SGIP1: variants seen among roughly 807,000 people sequenced by gnomAD.
SGIP1 encodes the protein SH3GL interacting endocytic adaptor 1, also known as SH3-containing GRB2-like protein 3-interacting protein 1.
A neutral mutation model predicts 107.5 loss-of-function variants in SGIP1; 38 were observed. That is an observed-to-expected ratio of 0.35 (90% confidence interval 0.27 to 0.46). SGIP1 has a LOEUF of 0.46. Among genes scored for constraint, SGIP1 ranks in the 20% least tolerant of loss-of-function variants. The pLI, the probability that SGIP1 is intolerant of heterozygous loss-of-function variation, is 1.00. For missense variants in SGIP1, 929 were observed against 1,019.5 expected (o/e 0.91, Z 1.21); for synonymous variants, 365 against 366.1 (o/e 1.00, Z 0.03).
At chr1:66,650,181 A>G (rs1212928909) in intron 7 of SGIP1, among the ~76,000 whole-genome samples, 1 of 152,174 alleles carries the variant, frequency 6.6e-6, no homozygotes, top group Non-Finnish European at 1.5e-5. Context: ...CAAACTGGGA[A>G]AAGGTGTTTT....
At chr1:66,668,374 A>G (rs2083054555) in intron 9 of SGIP1, among the ~76,000 whole-genome samples, 1 of 152,102 alleles carries the variant, frequency 6.6e-6, no homozygotes, top group African/African-American at 2.4e-5. Flanking sequence ...TATTTTTAGT[A>G]GAGACAGGGT....
At chr1:66,689,428 T>G (rs896386693) in intron 16 of SGIP1, among the ~76,000 whole-genome samples, 153 bp downstream of exon 16, 1 of 152,206 alleles carries the variant, frequency 6.6e-6, no homozygotes, top group Non-Finnish European at 1.5e-5. Flanking sequence ...AGTGTACATT[T>G]CAACCCTCCT....
intron 19 of SGIP1, among the ~76,000 whole-genome samples, 176 bp downstream of exon 19, chr1:66,719,581 G>A (rs2093421313): frequency 6.6e-6 from 1 of 152,148 alleles, no homozygotes; most frequent in South Asian, 2.1e-4. Context: ...TTGATTTCAT[G>A]CTTTTAAAAA....
rs113218814 is a variant in SGIP1 at position 66,566,734 on chromosome 1, T to G, written c.10+32366T>G. 2.8e-3 allele frequency among the ~76,000 whole-genome samples: 423 copies of G among 152,162 alleles called. 1 individual carries two copies. The highest frequency in any genetic ancestry group is 9.9e-3 in the African/African-American group (413 of 41,542). ...TCTACCTTAAGTTCTGGCATACACG[T>G]GCAGAAAGTGCAGTTTTGTTACATA... On this transcript the variant is annotated intron_variant, in intron 1 of 24. Coordinates refer to ENST00000371037, the MANE Select transcript of SGIP1 (RefSeq NM_032291.4).
chr1:66,579,480 T>G (rs1223708263), intron 1 of SGIP1, among the ~76,000 whole-genome samples: 1 of 152,148 alleles, frequency 6.6e-6, no homozygotes, highest in Non-Finnish European at 1.5e-5. Flanking sequence ...AATGAAAAAT[T>G]TTTAAAGCTG....
chr1:66,609,704 C>T (rs549942534), intron 1 of SGIP1, among the ~76,000 whole-genome samples: 1 of 152,340 alleles, frequency 6.6e-6, no homozygotes, highest in African/African-American at 2.4e-5. Context: ...TAGAGCTAGC[C>T]TCTGGTTTCA....
At chr1:66,713,151 G>C (rs2093025566) in intron 18 of SGIP1, among the ~76,000 whole-genome samples, 1 of 152,066 alleles carries the variant, frequency 6.6e-6, no homozygotes, top group Admixed American at 6.6e-5. Context: ...GGTGACAATG[G>C]CAAGGCTATT....
chr1:66,651,793 T>C (rs569491988), intron 7 of SGIP1, among the ~76,000 whole-genome samples: 2 of 152,324 alleles, frequency 1.3e-5, no homozygotes, highest in South Asian at 4.1e-4. Context: ...TTCTCATTTA[T>C]TAAAATTATC....
chr1:66,595,172 T>C (rs2064383413), intron 1 of SGIP1, among the ~76,000 whole-genome samples: 1 of 152,224 alleles, frequency 6.6e-6, no homozygotes, highest in South Asian at 2.1e-4. Context: ...TGCTGATCAT[T>C]GGCTTTTCAG....
chr1:66,747,428 C>T lies in SGIP1; in HGVS notation c.*4333C>T, dbSNP rs2094568062. 6.6e-6 allele frequency: 1 copy of T among 151,882 alleles called. No individual in the cohort carries two copies. Among genetic ancestry groups the T allele is most frequent in the South Asian group, 2.1e-4 (1 of 4,826 alleles). 9.4% of individuals were successfully genotyped at this position (151,882 alleles called of 1,614,324 possible). On this transcript the variant is annotated 3_prime_UTR_variant, in exon 25 of 25. Coordinates refer to ENST00000371037, the MANE Select transcript of SGIP1 (RefSeq NM_032291.4). ...AATCCCTATCTTTTTCTTAAAGTTA[C>T]TCTGTTATACTATCTCAGTCTCAAA... is the stretch of plus-strand genomic sequence containing the variant.
chr1:66,584,149 A>G (rs753806943), intron 1 of SGIP1, among the ~76,000 whole-genome samples: 104 of 152,222 alleles, frequency 6.8e-4, no homozygotes, highest in Middle Eastern at 6.8e-3. Flanking sequence ...CAATTAGACT[A>G]TAAGCTTCTT....
chr1:66,543,743 G>A (rs1188469536), intron 1 of SGIP1, among the ~76,000 whole-genome samples: 4 of 152,134 alleles, frequency 2.6e-5, no homozygotes, highest in African/African-American at 9.7e-5. Context: ...TCTGTGACTG[G>A]GTGACCTTGA....
Position 66,676,571 on chromosome 1 carries a change from G to T in SGIP1, c.647-433G>T, listed in dbSNP as rs547944674. On this transcript the variant is annotated intron_variant, in intron 12 of 24. Transcript: ENST00000371037. ...CTTCAAGGATAGGAACCACTGCATA[G>T]AATGCAGGCGTTTTCAGTTTTGAAG... is the stretch of plus-strand genomic sequence containing the variant. Among the ~76,000 whole-genome samples, 16 of 152,240 alleles carry T rather than the reference G, an allele frequency of 1.1e-4. No individual in the cohort carries two copies. In the South Asian group the frequency reaches 3.3e-3, roughly 32 times the overall value.
At chr1:66,684,312 G>T in intron 15 of SGIP1, 2 of 1,375,444 alleles carry the variant, frequency 1.5e-6, no homozygotes, top group Admixed American at 2.4e-5. Flanking sequence ...CAGTGTCATC[G>T]ACAAGATCAC....
chr1:66,685,735 G>A (rs2088044978), intron 15 of SGIP1, among the ~76,000 whole-genome samples: 1 of 152,156 alleles, frequency 6.6e-6, no homozygotes, highest in Admixed American at 6.5e-5. Context: ...TATAATTTTA[G>A]TTGCTTAACA....
At chr1:66,570,459 C>T (rs2060233249) in intron 1 of SGIP1, among the ~76,000 whole-genome samples, 1 of 151,838 alleles carries the variant, frequency 6.6e-6, no homozygotes, top group South Asian at 2.1e-4. Flanking sequence ...TCCTAAGGCA[C>T]TAATAGTCAA....
intron 15 of SGIP1, 88 bp downstream of exon 15, chr1:66,682,457 C>T (rs1170128647): frequency 1.9e-5 from 28 of 1,501,586 alleles, no homozygotes; most frequent in Non-Finnish European, 9.8e-6. Context: ...TGCCTGGCAG[C>T]TGGCTTCAGA....
At chr1:66,536,989 T>C (rs1170887209) in intron 1 of SGIP1, among the ~76,000 whole-genome samples, 2 of 152,154 alleles carry the variant, frequency 1.3e-5, no homozygotes, top group Admixed American at 6.5e-5. Context: ...CTACGTTTTG[T>C]TTGTGTGGAA....
intron 1 of SGIP1, among the ~76,000 whole-genome samples, chr1:66,573,364 C>T (rs1010140566): frequency 1.3e-5 from 2 of 151,992 alleles, no homozygotes; most frequent in African/African-American, 4.8e-5. Context: ...TCCTCAAAGA[C>T]TTAAAAACAG....
Sources: gnomAD v4.1 joint callset for allele counts (sites outside exome capture counted in the v4.1 genomes callset) on GRCh38, gnomAD v4.1.1 for gene constraint, MANE v1.5 for transcripts, NCBI Gene and HGNC (gene_info 2026-07-23, HGNC 2026-07-21) for gene names.